RUNDC3A: variants seen among roughly 807,000 people sequenced by gnomAD.
The protein encoded by RUNDC3A is RUN domain containing 3A, also known as RUN domain-containing protein 3A.
Under a neutral mutation model 53.9 loss-of-function variants are expected in RUNDC3A, and 28 were observed. The ratio of observed to expected loss-of-function variants is 0.52; its 90% CI spans 0.38 to 0.71. RUNDC3A has a LOEUF of 0.71. Among genes scored for constraint, RUNDC3A ranks in the 30% least tolerant of loss-of-function variants. The probability of loss-of-function intolerance (pLI) is 0.00; values close to 1 mark genes in which losing one functional copy is unlikely to be tolerated. For missense variants in RUNDC3A, 491 were observed against 597.3 expected (o/e 0.82, Z 1.85); for synonymous variants, 232 against 249.4 (o/e 0.93, Z 0.66).
intron 10 of RUNDC3A, chr17:44,317,732 GTC>G (rs2047899027): frequency 3.2e-6 from 2 of 615,838 alleles, no homozygotes; most frequent in Non-Finnish European, 5.8e-6. Flanking sequence ...TTGTCTGTGT[GTC>G]TGTCTCCCCC....
At chr17:44,317,138 G>C (rs1250011484) in intron 10 of RUNDC3A, 1 of 453,940 alleles carries the variant, frequency 2.2e-6, no homozygotes, top group African/African-American at 2.0e-5. Context: ...GAGCCACTGT[G>C]CCCGGCCTCT....
chr17:44,312,492 T>G, intron 1 of RUNDC3A, 88 bp from the exon 2 acceptor site: 1 of 735,506 alleles, frequency 1.4e-6, no homozygotes, highest in Non-Finnish European at 2.3e-6. Flanking sequence ...TGACCTTTCT[T>G]CTCTGCCGGT....
chr17:44,313,057 CT>C, intron 2 of RUNDC3A, 46 bp from the exon 3 acceptor site: 1 of 1,604,622 alleles, frequency 6.2e-7, no homozygotes, highest in African/African-American at 1.3e-5. Context: ...CATGGACCCT[CT>C]CCAAACTCCC....
At position 44,315,270 on chromosome 17, in the gene RUNDC3A, A is replaced by T; in HGVS notation, c.745A>T (p.Ser249Cys). ...PLVTDEDSWYSKWHKMEQKFR... is the reference protein window; with the variant it reads ...PLVTDEDSWYCKWHKMEQKFR... ...CGTCACCGATGAGGACAGCTGGTAC[A>T]GCAAGTGGCACAAGATGGAGCAGAA... Residue 249 changes from serine (S) to cysteine (C), a missense_variant, in exon 7 of 11, where the codon AGC becomes TGC. This residue lies in a region of RUNDC3A where 273 missense variants were observed against 389.0 expected (regional missense o/e 0.70). Coordinates refer to ENST00000426726, the MANE Select transcript of RUNDC3A (RefSeq NM_001144825.2). The surrounding 1 kb of genome is among the most constrained non-coding windows in gnomAD (Gnocchi z 6.1). 6.5e-7 allele frequency: 1 copy of T among 1,549,780 alleles called. No homozygotes were observed. The highest frequency in any genetic ancestry group is 2.0e-5 in the Admixed American group (1 of 50,972).
chr17:44,313,678 CTT>C (rs1173378367), intron 4 of RUNDC3A, 175 bp downstream of exon 4: 23,644 of 1,041,834 alleles, frequency 0.023, 24 homozygotes, highest in African/African-American at 0.039. Flanking sequence ...AGGACGAACT[CTT>C]TTTTTTTTTT....
chr17:44,316,053 AC>A (rs1477013143), intron 8 of RUNDC3A, among the ~76,000 whole-genome samples: 1 of 151,130 alleles, frequency 6.6e-6, no homozygotes, highest in Non-Finnish European at 1.5e-5. Flanking sequence ...ACGCCTTTCC[AC>A]CACCCTGATC....
intron 4 of RUNDC3A, 162 bp from the exon 5 acceptor site, chr17:44,314,573 C>G (rs563696158): frequency 1.4e-6 from 2 of 1,443,368 alleles, no homozygotes; most frequent in Non-Finnish European, 9.1e-7. Flanking sequence ...GTGCGAGCCC[C>G]AGGCTGAAGG....
intron 1 of RUNDC3A, chr17:44,311,249 G>A (rs2047742788): frequency 1.0e-6 from 1 of 985,596 alleles, no homozygotes; most frequent in Middle Eastern, 5.2e-4. Flanking sequence ...AGTGGTCCAA[G>A]GCTGGAGACT....
Position 44,316,708 on chromosome 17 carries a change from A to T in RUNDC3A, c.1181A>T (p.Glu394Val). ...QRLGEGTRDE[E>V]PWGPIGKDPT... ...CTGGGAGAGGGCACGCGGGACGAGG[A>T]GCCCTGGGGTCCCATCGGTGAGCTC... Residue 394 changes from glutamate to valine, a missense_variant, in exon 10 of 11, where the codon GAG (glutamate) becomes GTG (valine). This residue lies in a region of RUNDC3A where 218 missense variants were observed against 208.2 expected (regional missense o/e 1.05). Transcript: ENST00000426726. 1.9e-6 allele frequency: 3 copies of T among 1,548,810 alleles called. No individual in the cohort carries two copies. Among genetic ancestry groups the T allele is most frequent in the Non-Finnish European group, 2.6e-6 (3 of 1,146,638 alleles).
At chr17:44,317,687 T>C in intron 10 of RUNDC3A, 1 of 645,878 alleles carries the variant, frequency 1.5e-6, no homozygotes, top group Admixed American at 2.3e-5. Context: ...CAAGGCAGGC[T>C]GTGGCCATGT....
chr17:44,318,342 C>A lies in RUNDC3A; in HGVS notation c.*104C>A. 7.9e-7 allele frequency: 1 copy of A among 1,262,264 alleles called. No homozygotes were observed. Among genetic ancestry groups the A allele is most frequent in the Non-Finnish European group, 1.1e-6 (1 of 907,966 alleles). The allele number at this position is 1,262,264 out of a possible 1,614,324, so 78.2% of individuals were successfully genotyped here. On this transcript the variant is annotated 3_prime_UTR_variant, in exon 11 of 11. Transcript: ENST00000426726. ...ATCCAGGCTACCCTTCCAGAGAACGCTACCCACCCAGCCAGGGTTCTCTCG... is the reference window on the plus strand; with the variant it reads ...ATCCAGGCTACCCTTCCAGAGAACGATACCCACCCAGCCAGGGTTCTCTCG...
chr17:44,318,304 C>T lies in RUNDC3A; in HGVS notation c.*66C>T. 1 of 1,487,376 alleles carries T rather than the reference C, an allele frequency of 6.7e-7. No homozygotes were observed. Among genetic ancestry groups the T allele is most frequent in the Non-Finnish European group, 9.1e-7 (1 of 1,095,716 alleles). The allele number at this position is 1,487,376 out of a possible 1,614,324, so 92.1% of individuals were successfully genotyped here. A position where few individuals can be genotyped will look rare whatever the true frequency, so the allele number is the denominator to read the frequency against. ...ATGGACACCTGCCACCTTTCTTCAA[C>T]AAGAGTCCCCCAATCCAGGCTACCC... On this transcript the variant is annotated 3_prime_UTR_variant, in exon 11 of 11. Transcript: ENST00000426726.
At chr17:44,314,630 C>A (rs1443481030) in intron 4 of RUNDC3A, 105 bp from the exon 5 acceptor site, 4 of 1,480,982 alleles carry the variant, frequency 2.7e-6, no homozygotes, top group Middle Eastern at 4.7e-4. Flanking sequence ...GGAGAATTGG[C>A]CTTCCTTCAG....
rs894827381 is a variant in RUNDC3A, at chr17:44,315,687, A to G, written c.953+78A>G. ...CCGGGTGAACCCCATCTTCACTTCC[A>G]TCGACTCTAACATCACCCGACACGA... On this transcript the variant is annotated intron_variant, in intron 8 of 10. Coordinates refer to ENST00000426726, the MANE Select transcript of RUNDC3A (RefSeq NM_001144825.2). This position sits in a 1 kb window ranked among gnomAD's most constrained non-coding sequence, Gnocchi z 6.1. The G allele has an allele frequency of 3.4e-5, 43 of 1,252,496 alleles. No homozygotes were observed. The South Asian group carries it at 5.7e-4, about 17-fold the overall frequency. The allele number at this position is 1,252,496 out of a possible 1,614,324, so 77.6% of individuals were successfully genotyped here.
rs772512956 is a variant in RUNDC3A, at chr17:44,308,823, G to T, written c.-10G>T. The T allele has an allele frequency of 4.4e-6, 7 of 1,580,548 alleles. No individual in the cohort carries two copies. In the Admixed American group the frequency reaches 1.0e-4, roughly 24 times the overall value. On this transcript the variant is annotated 5_prime_UTR_variant, in exon 1 of 11. Transcript: ENST00000426726. Reference sequence around the variant, plus strand: ...GCAGCGGGCGGCGGCAGCAGTGGCCGCACATCTGGATGGAAGCGAGCTTTG... The same window carrying T: ...GCAGCGGGCGGCGGCAGCAGTGGCCTCACATCTGGATGGAAGCGAGCTTTG...
At chr17:44,314,577 C>A (rs1015231914) in intron 4 of RUNDC3A, 158 bp from the exon 5 acceptor site, 1 of 1,440,564 alleles carries the variant, frequency 6.9e-7, no homozygotes. Flanking sequence ...GAGCCCCAGG[C>A]TGAAGGGGGA....
At chr17:44,311,279 G>T in intron 1 of RUNDC3A, 3 of 985,528 alleles carry the variant, frequency 3.0e-6, no homozygotes, top group Non-Finnish European at 3.6e-6. Context: ...GAGGACAAAG[G>T]GCGGTGGAGC....
intron 4 of RUNDC3A, chr17:44,313,774 T>C (rs1354207511): frequency 2.0e-6 from 2 of 1,021,394 alleles, no homozygotes; most frequent in African/African-American, 1.7e-5. Flanking sequence ...CTCCGCCTCC[T>C]GGGTTCAAGC....
chr17:44,314,666 A>T, intron 4 of RUNDC3A, 69 bp from the exon 5 acceptor site: 2 of 668,740 alleles, frequency 3.0e-6, no homozygotes, highest in Non-Finnish European at 4.7e-6. Context: ...AGCCAACAAT[A>T]GCAGCTCTGG....
Sources: allele counts gnomAD v4.1 joint callset (sites outside exome capture counted in the v4.1 genomes callset), GRCh38; gene constraint gnomAD v4.1.1; regional missense constraint gnomAD v4.1.1; non-coding constraint Gnocchi (gnomAD v3.1); transcripts MANE v1.5; gene names NCBI Gene and HGNC (gene_info 2026-07-23, HGNC 2026-07-21).